CA9: variants seen among roughly 807,000 people sequenced by gnomAD.
CA9 encodes the protein CA-IX.
In CA9, 43 loss-of-function variants were observed where a neutral mutation model predicts 51.8. The ratio of observed to expected loss-of-function variants is 0.83; its 90% CI spans 0.65 to 1.07. The LOEUF is 1.07. Among genes scored for constraint, CA9 ranks in the 50% least tolerant of loss-of-function variants. CA9 has a pLI of 0.00. For missense variants in CA9, 574 were observed against 581.4 expected, an observed-to-expected ratio of 0.99 and a Z score of 0.13; for synonymous variants, 253 against 244.2, an observed-to-expected ratio of 1.04 and a Z score of -0.34.
chr9:35,679,939 G>A lies in CA9; in HGVS notation c.1151G>A (p.Arg384Gln), dbSNP rs1563923656. The change falls in exon 8 of 11, where the codon CGA (arginine) becomes CAA (glutamine). Residue 384 changes from arginine (R) to glutamine (Q), a missense_variant. Arg to Gln is a conservative substitution (Grantham distance 43). Transcript: ENST00000378357. ...CGAGCGACGCAGCCTTTGAATGGGC[G>A]AGTGATTGAGGCCTCCTTCCCTGCT... ...NFRATQPLNG[R>Q]VIEASFPAGV... The A allele has an allele frequency of 5.0e-6, 8 of 1,614,140 alleles. No individual in the cohort carries two copies. Among genetic ancestry groups the A allele is most frequent in the South Asian group, 1.1e-5 (1 of 91,086 alleles).
chr9:35,674,328 A>G lies in CA9; in HGVS notation c.369A>G (p.Gln123=). The change falls in exon 1 of 11, where the codon CAA becomes CAG. Residue 123 remains glutamine, a synonymous_variant. Coordinates refer to ENST00000378357, the MANE Select transcript of CA9 (RefSeq NM_001216.3). The stretch of plus-strand genomic sequence containing the variant: ...CTGTTGAGGCTCCTGGAGATCCTCA[A>G]GAACCCCAGAATAATGCCCACAGGG... The part of the protein sequence containing the change: ...LPTVEAPGDP[Q]EPQNNAHRDK... The G allele has an allele frequency of 2.5e-6, 4 of 1,613,740 alleles. No homozygotes were observed. Among genetic ancestry groups the G allele is most frequent in the Non-Finnish European group, 3.4e-6 (4 of 1,179,850 alleles).
chr9:35,679,363 G>A, intron 7 of CA9, 21 bp downstream of exon 7: 1 of 1,602,224 alleles, frequency 6.2e-7, no homozygotes, highest in Non-Finnish European at 8.5e-7. Context: ...GGTGTGTGTG[G>A]ACACAGTGGG....
intron 9 of CA9, among the ~76,000 whole-genome samples, 157 bp downstream of exon 9, chr9:35,680,296 T>C (rs1824514619): frequency 6.6e-6 from 1 of 152,176 alleles, no homozygotes; most frequent in Admixed American, 6.5e-5. Context: ...GATTCCCCCA[T>C]TGTCCCCAGA....
In CA9 at chr9:35,675,951, G is replaced by T. The variant is rs200017333; in HGVS notation, c.604+20G>T. On this transcript the variant is annotated intron_variant, in intron 3 of 10. Transcript: ENST00000378357. ...ACAGTGGTGAGGGGGTCTCCCCGCCGAGACTTGGGGATGGGGCGGGGCGCA... is the reference window on the plus strand; with the variant it reads ...ACAGTGGTGAGGGGGTCTCCCCGCCTAGACTTGGGGATGGGGCGGGGCGCA... 5.4e-4 allele frequency: 859 copies of T among 1,599,704 alleles called. No individual in the cohort carries two copies. Among genetic ancestry groups the T allele is most frequent in the Non-Finnish European group, 4.9e-4 (569 of 1,172,400 alleles).
chr9:35,674,413 C>G, intron 1 of CA9, 51 bp downstream of exon 1: 6 of 1,520,770 alleles, frequency 3.9e-6, no homozygotes, highest in Non-Finnish European at 5.4e-6. Context: ...TCATGACTCC[C>G]CTCCCATACC....
chr9:35,679,730 G>C, intron 7 of CA9, 124 bp from the exon 8 acceptor site: 5 of 876,514 alleles, frequency 5.7e-6, no homozygotes, highest in Non-Finnish European at 8.7e-6. Context: ...AAGAAATCAA[G>C]AGGCTGGATG....
intron 5 of CA9, 114 bp from the exon 6 acceptor site, chr9:35,677,676 G>A (rs947641195): frequency 1.3e-5 from 10 of 782,310 alleles, no homozygotes; most frequent in East Asian, 2.5e-5. Flanking sequence ...TGTTCCCTCA[G>A]CATTCTCAGA....
intron 9 of CA9, 82 bp from the exon 10 acceptor site, chr9:35,680,671 T>C (rs999103531): frequency 7.2e-6 from 8 of 1,115,678 alleles, no homozygotes; most frequent in Middle Eastern, 2.7e-4. Flanking sequence ...GCAGGGGTGG[T>C]GGAGTGCACT....
At chr9:35,679,730 G>T in intron 7 of CA9, 124 bp from the exon 8 acceptor site, 2 of 876,514 alleles carry the variant, frequency 2.3e-6, no homozygotes, top group Non-Finnish European at 1.7e-6. Context: ...AAGAAATCAA[G>T]AGGCTGGATG....
Position 35,675,558 on chromosome 9 carries a change from C to A in CA9, c.424C>A (p.Arg142Ser), listed in dbSNP as rs747981104. The A allele has an allele frequency of 6.2e-7, 1 of 1,614,090 alleles. No homozygotes were observed. The highest frequency in any genetic ancestry group is 8.5e-7 in the Non-Finnish European group (1 of 1,179,988). Residue 142 changes from arginine (R) to serine (S), a missense_variant, in exon 2 of 11, where the codon CGC (arginine) becomes AGC (serine). By Grantham distance (110) the Arg-to-Ser change is moderately radical. Transcript: ENST00000378357. ...DKEGDDQSHW[R>S]YGGDPPWPRV... ...TACAGGGGATGACCAGAGTCATTGG[C>A]GCTATGGAGGTGAGACACCCACCCG...
chr9:35,676,698 T>C (rs1211604518), intron 5 of CA9, among the ~76,000 whole-genome samples: 1 of 152,050 alleles, frequency 6.6e-6, no homozygotes, highest in East Asian at 1.9e-4. Context: ...AAGCCTTCAC[T>C]GGTAGAAAAG....
At chr9:35,678,373 A>C (rs1007682971) in intron 6 of CA9, among the ~76,000 whole-genome samples, 3 of 151,478 alleles carry the variant, frequency 2.0e-5, no homozygotes, top group Non-Finnish European at 4.4e-5. Flanking sequence ...AAGAAAACCA[A>C]GCAAAAACCA....
At chr9:35,677,744 G>A (rs756874608) in intron 5 of CA9, 46 bp from the exon 6 acceptor site, 2 of 1,500,020 alleles carry the variant, frequency 1.3e-6, no homozygotes, top group Admixed American at 3.3e-5. Context: ...CTTCAGCCAT[G>A]GCCCTGGATA....
intron 10 of CA9, 26 bp downstream of exon 10, chr9:35,680,860 C>G (rs1431086520): frequency 1.2e-6 from 2 of 1,612,274 alleles, no homozygotes; most frequent in Non-Finnish European, 1.7e-6. Context: ...TTTCTTCAGG[C>G]ACAAGCTTCC....
chr9:35,678,871 T>C (rs1824477063), intron 6 of CA9, among the ~76,000 whole-genome samples: 1 of 152,150 alleles, frequency 6.6e-6, no homozygotes, highest in Non-Finnish European at 1.5e-5. Flanking sequence ...CACTTTATGA[T>C]GGTACACAGA....
In CA9 at chr9:35,677,851, A is replaced by G. The variant is rs769932826; in HGVS notation, c.902A>G (p.Glu301Gly). The G allele has an allele frequency of 4.3e-6, 7 of 1,613,828 alleles. No homozygotes were observed. The East Asian group carries it at 1.6e-4, about 36-fold the overall frequency. Reference protein sequence around the residue: ...QLLSRLEEIAEEGSETQVPGL... With the variant: ...QLLSRLEEIAGEGSETQVPGL... ...CTGTCTCGCTTGGAAGAAATCGCTG[A>G]GGAAGGTCAGTTTGTTGGTCTGGCC... is the stretch of plus-strand genomic sequence containing the variant. The change falls in exon 6 of 11, where the codon GAG becomes GGG. Residue 301 changes from glutamate to glycine, a missense_variant. Coordinates refer to ENST00000378357, the MANE Select transcript of CA9 (RefSeq NM_001216.3).
intron 2 of CA9, 52 bp downstream of exon 2, chr9:35,675,619 A>G: frequency 1.2e-6 from 2 of 1,607,570 alleles, no homozygotes; most frequent in Non-Finnish European, 1.7e-6. Flanking sequence ...AGCTCTGTGG[A>G]TCTCCCCTAC....
intron 5 of CA9, among the ~76,000 whole-genome samples, chr9:35,677,412 T>C (rs4879923): frequency 0.3 from 45,308 of 151,858 alleles, 7,420 homozygotes; most frequent in East Asian, 0.47. Flanking sequence ...GTGGGGAGTA[T>C]GTACGGAGGC....
chr9:35,677,192 G>C (rs1023733453), intron 5 of CA9, among the ~76,000 whole-genome samples: 1 of 152,106 alleles, frequency 6.6e-6, no homozygotes, highest in African/African-American at 2.4e-5. Context: ...ACAGCACAAA[G>C]TTCAGAGAAA....
Sources: gnomAD v4.1 joint callset for allele counts (sites outside exome capture counted in the v4.1 genomes callset) on GRCh38, gnomAD v4.1.1 for gene constraint, MANE v1.5 for transcripts, NCBI Gene and HGNC (gene_info 2026-07-23, HGNC 2026-07-21) for gene names.